The following INTS2 variants were observed in gnomAD, a reference collection of about 807,000 sequenced individuals.
The protein encoded by INTS2 is KIAA1287.
A neutral mutation model predicts 139.6 loss-of-function variants in INTS2; 57 were observed. That is an observed-to-expected ratio of 0.41 (90% CI 0.33 to 0.51). The LOEUF (loss-of-function observed/expected upper bound fraction) is 0.51. Ranked by LOEUF, INTS2 falls within the 20% of genes least tolerant of loss-of-function variation. INTS2 has a pLI of 0.28. For synonymous variants in INTS2, 473 were observed against 493.4 expected (o/e 0.96, Z 0.55); for missense variants, 1,196 against 1,436.7 (o/e 0.83, Z 2.71).
intron 9 of INTS2, among the ~76,000 whole-genome samples, chr17:61,901,912 GAA>G (rs1268757959): frequency 3.9e-5 from 6 of 152,082 alleles, no homozygotes; most frequent in Non-Finnish European, 7.4e-5. Flanking sequence ...TGCTCCTTCA[GAA>G]TGGGTATGTG....
chr17:61,903,161 C>T (rs1239019158), intron 9 of INTS2, among the ~76,000 whole-genome samples: 10 of 139,402 alleles, frequency 7.2e-5, no homozygotes, highest in African/African-American at 1.3e-4. Flanking sequence ...AGCTAGACTC[C>T]GTCTCAAAAA....
chr17:61,921,434 GC>G (rs1216136703), intron 4 of INTS2: 1 of 193,414 alleles, frequency 5.2e-6, no homozygotes, highest in East Asian at 1.2e-4. Context: ...TTAACACTTT[GC>G]CCTTTGCTTT....
chr17:61,893,002 A>G lies in INTS2; in HGVS notation c.1698+763T>C, dbSNP rs919305803. ...GCCAGGAGTGGTGGCTCGCACCTGT[A>G]GTTCCAGCTACTTAGGAGGCTGTGG... On this transcript the variant is annotated intron_variant, in intron 13 of 24. Coordinates refer to ENST00000251334, the MANE Select transcript of INTS2 (RefSeq NM_001351695.2). The surrounding 1 kb of genome is among the most constrained non-coding windows in gnomAD (Gnocchi z 5.4). 6.8e-6 allele frequency among the ~76,000 whole-genome samples: 1 copy of G among 146,828 alleles called. No individual in the cohort carries two copies. The highest frequency in any genetic ancestry group is 2.0e-4 in the East Asian group (1 of 4,918).
At chr17:61,899,686 G>C (rs2079385119) in intron 9 of INTS2, among the ~76,000 whole-genome samples, 2 of 152,100 alleles carry the variant, frequency 1.3e-5, no homozygotes, top group African/African-American at 2.4e-5. Flanking sequence ...CAAGACAGGA[G>C]GATAGCTTGA....
rs1311113533 is a variant in INTS2, at chr17:61,893,493, C to T, written c.1698+272G>A. On this transcript the variant is annotated intron_variant, in intron 13 of 24. Transcript: ENST00000251334. This position sits in a 1 kb window ranked among gnomAD's most constrained non-coding sequence, Gnocchi z 5.4. The stretch of plus-strand genomic sequence containing the variant: ...GGCATATCACTTGAGGTCAGGAGTT[C>T]GACACCAGCCAGCCAACACGGTGAA... Among the ~76,000 whole-genome samples, 1 of 152,014 alleles carries T rather than the reference C, an allele frequency of 6.6e-6. No individual in the cohort carries two copies. The highest frequency in any genetic ancestry group is 6.6e-5 in the Admixed American group (1 of 15,250).
intron 18 of INTS2, 56 bp downstream of exon 18, chr17:61,877,831 G>A (rs1250736072): frequency 2.9e-6 from 4 of 1,398,546 alleles, no homozygotes; most frequent in Non-Finnish European, 4.0e-6. Context: ...TTAGGTTATT[G>A]TATATTATCC....
intron 9 of INTS2, among the ~76,000 whole-genome samples, chr17:61,902,237 AT>A (rs2079414273): frequency 8.5e-5 from 13 of 152,182 alleles, no homozygotes; most frequent in Admixed American, 8.5e-4. Context: ...TGTCCTAGGC[AT>A]TCAGTAAGCC....
intron 19 of INTS2, 27 bp downstream of exon 19, chr17:61,874,886 T>TA: frequency 6.6e-7 from 1 of 1,521,538 alleles, no homozygotes; most frequent in Non-Finnish European, 8.8e-7. Context: ...AGCTCTATAA[T>TA]AAAAATGAAA....
At position 61,877,922 on chromosome 17, in the gene INTS2, TTTA is replaced by T; in HGVS notation, c.2418_2420del (p.Asn806del). ...TCACAGTATTAAGAACCATCCATAG[TTTA>T]TTGACTGTTTGCAGAATTCTCCGTG... On this transcript the variant is annotated inframe_deletion, in exon 18 of 25. Transcript: ENST00000251334. The T allele has an allele frequency of 6.2e-7, 1 of 1,613,760 alleles. No individual in the cohort carries two copies. Among genetic ancestry groups the T allele is most frequent in the Non-Finnish European group, 8.5e-7 (1 of 1,179,694 alleles).
chr17:61,908,084 A>G (rs1030701470), intron 7 of INTS2, among the ~76,000 whole-genome samples: 4 of 152,156 alleles, frequency 2.6e-5, no homozygotes, highest in Non-Finnish European at 4.4e-5. Flanking sequence ...ATATTTTATC[A>G]ACAATATTTA....
In INTS2 at chr17:61,867,429, G is replaced by T. The variant is rs1603370639; in HGVS notation, c.*128C>A. 4.4e-5 allele frequency: 24 copies of T among 550,470 alleles called. No individual in the cohort carries two copies. The East Asian group carries it at 7.0e-4, about 16-fold the overall frequency. 34.1% of individuals were successfully genotyped at this position (550,470 alleles called of 1,614,324 possible). A position where few individuals can be genotyped will look rare whatever the true frequency, so the allele number is the denominator to read the frequency against. On this transcript the variant is annotated 3_prime_UTR_variant, in exon 25 of 25. Coordinates refer to ENST00000251334, the MANE Select transcript of INTS2 (RefSeq NM_001351695.2). The surrounding 1 kb of genome is among the most constrained non-coding windows in gnomAD (Gnocchi z 5.6). Reference sequence around the variant, plus strand: ...TAAAGTTCTAAACTATACTCATGTTGAATTGAATTGTTTTAGTGATTCCAA... The same window carrying T: ...TAAAGTTCTAAACTATACTCATGTTTAATTGAATTGTTTTAGTGATTCCAA...
At position 61,893,545 on chromosome 17, in the gene INTS2, A is replaced by G. The variant is rs1189854478; in HGVS notation, c.1698+220T>C. ...CCCTGTCTCTACTAAAAATACAAAA[A>G]TTAGCCGGGCATGGTGGCACACACC... On this transcript the variant is annotated intron_variant, in intron 13 of 24. Coordinates refer to ENST00000251334, the MANE Select transcript of INTS2 (RefSeq NM_001351695.2). The surrounding 1 kb of genome is among the most constrained non-coding windows in gnomAD (Gnocchi z 5.4). 2.6e-5 allele frequency among the ~76,000 whole-genome samples: 4 copies of G among 152,030 alleles called. No individual in the cohort carries two copies.
rs1181357983 is a variant in INTS2, at chr17:61,921,830, TA to T, written c.433-4del. 1.4e-6 allele frequency: 2 copies of T among 1,462,250 alleles called. No homozygotes were observed. The allele number at this position is 1,462,250 out of a possible 1,614,324, so 90.6% of individuals were successfully genotyped here. ...AATTCTCCGTTGGACTCAGACACCT[TA>T]AAAAAGAAAAAAAAAAGATATAAAC... On this transcript the variant is annotated splice_region_variant and splice_polypyrimidine_tract_variant and intron_variant, in intron 3 of 24. Coordinates refer to ENST00000251334, the MANE Select transcript of INTS2 (RefSeq NM_001351695.2).
chr17:61,921,696 G>T, intron 4 of INTS2, 29 bp downstream of exon 4: 1 of 1,120,126 alleles, frequency 8.9e-7, no homozygotes, highest in Non-Finnish European at 1.3e-6. Context: ...AACTATATAT[G>T]AAATCCATCT....
Position 61,869,119 on chromosome 17 carries a change from A to G in INTS2, c.3159T>C (p.Leu1053=). 1 of 1,609,202 alleles carries G rather than the reference A, an allele frequency of 6.2e-7. No individual in the cohort carries two copies. Among genetic ancestry groups the G allele is most frequent in the Non-Finnish European group, 8.5e-7 (1 of 1,176,168 alleles). ...ATGCATATTGTATACACAAGTGAGA[A>G]AGCAACTGGATAGCAAATATCTGCA... ...LEKQIFAIQL[L]SHLCIQYALP... Residue 1053 remains leucine, a synonymous_variant, in exon 23 of 25, where the codon CTT becomes CTC. Coordinates refer to ENST00000251334, the MANE Select transcript of INTS2 (RefSeq NM_001351695.2). This position sits in a 1 kb window ranked among gnomAD's most constrained non-coding sequence, Gnocchi z 5.4.
Position 61,907,636 on chromosome 17 carries a change from T to C in INTS2, c.955-2A>G. The C allele has an allele frequency of 6.4e-7, 1 of 1,568,660 alleles. No individual in the cohort carries two copies. Among genetic ancestry groups the C allele is most frequent in the Non-Finnish European group, 8.7e-7 (1 of 1,154,898 alleles). ...AGAACTGCTGGTCTCTCTTTTTCTC[T>C]GAAAGAAATATGGATCACAAAAGGA... On this transcript the variant is annotated splice_acceptor_variant, in intron 7 of 24. Coordinates refer to ENST00000251334, the MANE Select transcript of INTS2 (RefSeq NM_001351695.2). LOFTEE classifies it high-confidence loss of function.
At chr17:61,891,446 A>C in intron 14 of INTS2, 67 bp downstream of exon 14, 7 of 1,217,748 alleles carry the variant, frequency 5.7e-6, no homozygotes, top group Non-Finnish European at 8.3e-6. Flanking sequence ...GAAAATAAAA[A>C]TATGGGTTAA....
At chr17:61,900,544 A>G (rs1362513053) in intron 9 of INTS2, among the ~76,000 whole-genome samples, 1 of 152,182 alleles carries the variant, frequency 6.6e-6, no homozygotes, top group Non-Finnish European at 1.5e-5. Context: ...GGGTTTCTGT[A>G]TAGGTCTTCC....
Position 61,926,046 on chromosome 17 carries a change from C to T in INTS2, c.293+306G>A, listed in dbSNP as rs187034336. On this transcript the variant is annotated intron_variant, in intron 2 of 24. Coordinates refer to ENST00000251334, the MANE Select transcript of INTS2 (RefSeq NM_001351695.2). ...TGTCTCAAAAAAGAAAAAAAAAAGC[C>T]TCCCAAGTGATTCCAATAAATCCCT... is the stretch of plus-strand genomic sequence containing the variant. Among the ~76,000 whole-genome samples the T allele has an allele frequency of 3.0e-3, 452 of 152,002 alleles. 1 individual carries two copies. The highest frequency in any genetic ancestry group is 5.5e-3 in the Non-Finnish European group (374 of 67,936).
Sources: gnomAD v4.1 joint callset for allele counts (sites outside exome capture counted in the v4.1 genomes callset) on GRCh38, gnomAD v4.1.1 for gene constraint, Gnocchi (gnomAD v3.1) non-coding constraint, MANE v1.5 for transcripts, NCBI Gene and HGNC (gene_info 2026-07-23, HGNC 2026-07-21) for gene names.